Variants in CLEC18A observed in about 807,000 individuals in gnomAD.
CLEC18A encodes C-type lectin domain family 18 member A, also known as mannose receptor-like 1.
CLEC18A carries 5 observed loss-of-function variants against 24.0 expected under a neutral mutation model. The observed-to-expected ratio is 0.21, with a 90% CI of 0.11 to 0.44. The LOEUF is 0.44. Among genes scored for constraint, CLEC18A ranks in the 20% least tolerant of loss-of-function variants. The probability of loss-of-function intolerance (pLI) is 0.99; values close to 1 mark genes in which losing one functional copy is unlikely to be tolerated. For synonymous variants in CLEC18A, 29 were observed against 100.1 expected, an observed-to-expected ratio of 0.29 and a Z score of 4.24; for missense variants, 83 against 233.4, an observed-to-expected ratio of 0.36 and a Z score of 4.20.
chr16:69,966,259 C>G (rs1417700477), downstream of CLEC18A, among the ~76,000 whole-genome samples: 1 of 150,478 alleles, frequency 6.6e-6, no homozygotes, highest in Non-Finnish European at 1.5e-5. Context: ...TTTGAAAGCC[C>G]CCACTTGTGT....
the CLEC18A span, among the ~76,000 whole-genome samples, chr16:69,943,896 G>C: frequency 7.2e-6 from 1 of 139,420 alleles, no homozygotes; most frequent in Middle Eastern, 3.5e-3. Flanking sequence ...TGATATATTT[G>C]AATACAGCAA....
At chr16:69,965,248 C>A (rs1415286491), downstream of CLEC18A, among the ~76,000 whole-genome samples, 1 of 151,922 alleles carries the variant, frequency 6.6e-6, no homozygotes, top group Non-Finnish European at 1.5e-5. Flanking sequence ...AGGCGCTGAG[C>A]CCCCTGATCC....
At chr16:69,950,252 C>T (rs1482272602), upstream of CLEC18A, among the ~76,000 whole-genome samples, 16 of 126,432 alleles carry the variant, frequency 1.3e-4, 4 homozygotes, top group East Asian at 2.1e-4. Flanking sequence ...GTTGGAACCC[C>T]GCTCCGAGAG....
chr16:69,952,817 G>C (rs1282329825), intron 2 of CLEC18A: 1 of 150,580 alleles, frequency 6.6e-6, no homozygotes, highest in Non-Finnish European at 1.5e-5. Flanking sequence ...GGTTCCCCAT[G>C]GCTGCTTCCC....
chr16:69,957,212 G>A (rs1217035668), intron 3 of CLEC18A, among the ~76,000 whole-genome samples: 3 of 148,998 alleles, frequency 2.0e-5, no homozygotes, highest in Admixed American at 6.7e-5. Context: ...GCCCAGGCTG[G>A]AGTGCAGTGG....
chr16:69,965,420 C>A (rs539100162), downstream of CLEC18A, among the ~76,000 whole-genome samples: 176 of 152,102 alleles, frequency 1.2e-3, no homozygotes, highest in Non-Finnish European at 4.6e-4. Flanking sequence ...GGGCCACGGC[C>A]GCAGCGCCCG....
At chr16:69,965,264 C>A (rs1169018851), downstream of CLEC18A, among the ~76,000 whole-genome samples, 352 of 150,808 alleles carry the variant, frequency 2.3e-3, no homozygotes, top group African/African-American at 8.0e-3. Context: ...GATCCCTGCC[C>A]GGGCACTGGC....
At chr16:69,945,945 T>C (rs550519530), upstream of CLEC18A, among the ~76,000 whole-genome samples, 3 of 151,030 alleles carry the variant, frequency 2.0e-5, no homozygotes, top group Non-Finnish European at 4.4e-5. Flanking sequence ...ATACAAAAAT[T>C]AGCCGGGTGT....
downstream of CLEC18A, chr16:69,964,053 G>T (rs1327595279): frequency 5.4e-6 from 1 of 186,590 alleles, no homozygotes; most frequent in African/African-American, 2.9e-5. Flanking sequence ...ACCAGAGGGG[G>T]CCTGAGGCTT....
At chr16:69,953,658 T>A (rs1455736799) in intron 2 of CLEC18A, 1 of 134,124 alleles carries the variant, frequency 7.5e-6, no homozygotes, top group African/African-American at 2.5e-5. Context: ...CTACTAAAAA[T>A]ACAAAAATTA....
chr16:69,957,297 G>A (rs1321799427), intron 3 of CLEC18A, among the ~76,000 whole-genome samples: 1 of 145,886 alleles, frequency 6.9e-6, no homozygotes, highest in Non-Finnish European at 1.5e-5. Context: ...GAGTAGCTGG[G>A]ACTACAGGTG....
chr16:69,965,342 G>A (rs1959345194), downstream of CLEC18A, among the ~76,000 whole-genome samples: 2 of 152,036 alleles, frequency 1.3e-5, no homozygotes, highest in African/African-American at 2.4e-5. Flanking sequence ...TCTCCGGCTC[G>A]GTCTGGTTCC....
chr16:69,951,024 C>T (rs1373011162), upstream of CLEC18A: 5 of 313,458 alleles, frequency 1.6e-5, 1 homozygote, highest in Non-Finnish European at 2.6e-5. Context: ...GGAATGTCCG[C>T]GGGCCAATCA....
intron 3 of CLEC18A, among the ~76,000 whole-genome samples, chr16:69,956,218 G>A (rs887143442): frequency 7.0e-6 from 1 of 142,258 alleles, no homozygotes; most frequent in Admixed American, 6.9e-5. Flanking sequence ...TTGCACTCCA[G>A]CCTGGGCAGC....
At chr16:69,948,483 C>G (rs1157628294), upstream of CLEC18A, among the ~76,000 whole-genome samples, 3 of 151,626 alleles carry the variant, frequency 2.0e-5, no homozygotes, top group East Asian at 1.9e-4. Flanking sequence ...AACGCTATAA[C>G]CTTCAAATGC....
upstream of CLEC18A, among the ~76,000 whole-genome samples, chr16:69,947,249 CTA>C (rs1487645009): frequency 2.0e-5 from 2 of 102,272 alleles, no homozygotes; most frequent in Admixed American, 2.2e-4. Context: ...CGCCTTCTCC[CTA>C]TGTCTTCACA....
rs774674768 is a variant in CLEC18A at position 69,963,669 on chromosome 16, T to A, written c.*58T>A. ...GGAGCACCGGCTCTGCTTACCTGTC[T>A]GCCCACCTGTCTGGAACAAGGGCCA... On this transcript the variant is annotated 3_prime_UTR_variant, in exon 12 of 12. Coordinates refer to ENST00000288040, the MANE Select transcript of CLEC18A (RefSeq NM_001370523.4). 8.0e-6 allele frequency: 12 copies of A among 1,499,694 alleles called. No individual in the cohort carries two copies. Among genetic ancestry groups the A allele is most frequent in the African/African-American group, 1.4e-5 (1 of 71,846 alleles). 92.9% of individuals were successfully genotyped at this position (1,499,694 alleles called of 1,614,324 possible).
At chr16:69,945,765 C>T (rs2058909062), upstream of CLEC18A, among the ~76,000 whole-genome samples, 1 of 152,232 alleles carries the variant, frequency 6.6e-6, no homozygotes, top group Non-Finnish European at 1.5e-5. Context: ...TGAGTCTTCC[C>T]CTGGCCAACA....
upstream of CLEC18A, among the ~76,000 whole-genome samples, chr16:69,950,117 A>G (rs1369406976): frequency 8.1e-6 from 1 of 123,198 alleles, no homozygotes; most frequent in African/African-American, 2.6e-5. Flanking sequence ...GCAGTTCCAG[A>G]CCGCCTTCAT....
Sources: gnomAD v4.1 joint callset for allele counts (sites outside exome capture counted in the v4.1 genomes callset) on GRCh38, gnomAD v4.1.1 for gene constraint, MANE v1.5 for transcripts, NCBI Gene and HGNC (gene_info 2026-07-23, HGNC 2026-07-21) for gene names.